SETD2: variants seen among roughly 807,000 people sequenced by gnomAD.
SETD2 encodes the protein SET domain containing 2, histone lysine methyltransferase.
SETD2 carries 31 observed loss-of-function variants against 242.1 expected under a neutral mutation model. The observed-to-expected ratio is 0.13, with a 90% CI of 0.10 to 0.17. The LOEUF (loss-of-function observed/expected upper bound fraction) is 0.17. Among genes scored for constraint, SETD2 ranks in the 10% least tolerant of loss-of-function variants. SETD2 has a pLI of 1.00. For synonymous variants in SETD2, 1,006 were observed against 1,066.5 expected (o/e 0.94, Z 1.11); for missense variants, 2,481 against 3,046.3 (o/e 0.81, Z 4.37).
intron 1 of SETD2, among the ~76,000 whole-genome samples, chr3:47,162,254 A>G (rs1478558084): frequency 2.0e-5 from 3 of 152,214 alleles, no homozygotes; most frequent in African/African-American, 7.2e-5. Flanking sequence ...AGCAAGTGCT[A>G]TATAAGCATT....
chr3:47,108,396 A>G (rs919567797), intron 5 of SETD2, among the ~76,000 whole-genome samples: 3 of 152,216 alleles, frequency 2.0e-5, no homozygotes, highest in African/African-American at 7.2e-5. Context: ...TCTGGCATCG[A>G]TATTATGCCC....
chr3:47,126,572 A>G, intron 2 of SETD2, 76 bp downstream of exon 2: 1 of 732,406 alleles, frequency 1.4e-6, no homozygotes, highest in Non-Finnish European at 2.2e-6. Context: ...GAGTGTTTTC[A>G]GCTTTTACCC....
chr3:47,161,990 T>C (rs1697501022), intron 1 of SETD2, among the ~76,000 whole-genome samples: 1 of 152,008 alleles, frequency 6.6e-6, no homozygotes, highest in African/African-American at 2.4e-5. Flanking sequence ...AGTGGATTTC[T>C]ACTACATTAA....
chr3:47,029,929 G>A (rs977918806), intron 18 of SETD2, among the ~76,000 whole-genome samples: 5 of 152,144 alleles, frequency 3.3e-5, no homozygotes, highest in African/African-American at 1.2e-4. Flanking sequence ...GCCCAGATGG[G>A]CAGATCACTT....
intron 12 of SETD2, among the ~76,000 whole-genome samples, chr3:47,082,660 G>A (rs2041366008): frequency 6.6e-6 from 1 of 152,230 alleles, no homozygotes; most frequent in African/African-American, 2.4e-5. Context: ...AGTGATGAAA[G>A]TAACATGAGT....
chr3:47,084,518 G>A (rs1559702391), intron 11 of SETD2, 136 bp from the exon 12 acceptor site: 1 of 616,500 alleles, frequency 1.6e-6, no homozygotes, highest in Non-Finnish European at 2.8e-6. Flanking sequence ...TCTGCCTCCT[G>A]GGTTCAAGCA....
At chr3:47,109,855 G>A (rs1418129484) in intron 5 of SETD2, among the ~76,000 whole-genome samples, 1 of 151,672 alleles carries the variant, frequency 6.6e-6, no homozygotes, top group African/African-American at 2.4e-5. Flanking sequence ...GCATGGTGGC[G>A]CACACCTGTA....
At chr3:47,151,495 T>C (rs1203046337) in intron 1 of SETD2, among the ~76,000 whole-genome samples, 1 of 152,114 alleles carries the variant, frequency 6.6e-6, no homozygotes, top group Non-Finnish European at 1.5e-5. Flanking sequence ...AGATTCTAAC[T>C]CCTGCTCCCA....
In SETD2 at chr3:47,164,035, C is replaced by T; in HGVS notation, c.-111G>A. 8.2e-7 allele frequency: 1 copy of T among 1,216,222 alleles called. No individual in the cohort carries two copies. The highest frequency in any genetic ancestry group is 1.0e-6 in the Non-Finnish European group (1 of 972,314). 75.3% of individuals were successfully genotyped at this position (1,216,222 alleles called of 1,614,324 possible). The stretch of plus-strand genomic sequence containing the variant: ...ACCGCGGCGGCGGCGGCGGCGGCGG[C>T]GGCGGCGGCAGGGGCGGCCCGCGTC... On this transcript the variant is annotated 5_prime_UTR_variant, in exon 1 of 21. Transcript: ENST00000409792. This position sits in a 1 kb window ranked among gnomAD's most constrained non-coding sequence, Gnocchi z 5.4.
chr3:47,077,484 TACAGAA>T (rs2041138341), intron 12 of SETD2, among the ~76,000 whole-genome samples: 1 of 152,182 alleles, frequency 6.6e-6, no homozygotes, highest in Non-Finnish European at 1.5e-5. Flanking sequence ...AACTGAGAGT[TACAGAA>T]GGAATCTCAA....
At chr3:47,038,168 C>A (rs2039108769) in intron 17 of SETD2, among the ~76,000 whole-genome samples, 1 of 152,194 alleles carries the variant, frequency 6.6e-6, no homozygotes, top group Non-Finnish European at 1.5e-5. Context: ...AGTGACTGTA[C>A]CTAGCATATA....
rs2106868617 is a variant in SETD2, at chr3:47,163,903, G to A, written c.22C>T (p.Pro8Ser). ...TAGAAATCCCCCATCTTCGGAGGCG[G>A]CTGCGGCTGCAGCTGCTTCATCGGG... MKQLQPQ[P>S]PPKMGDFYDP... is the part of the protein sequence containing the mutation. Residue 8 changes from proline (P) to serine (S), a missense_variant, in exon 1 of 21, where the codon CCG becomes TCG. By Grantham distance (74) the Pro-to-Ser change is moderately conservative. This residue lies in a region of SETD2 where 334 missense variants were observed against 374.5 expected (regional missense o/e 0.89). Transcript: ENST00000409792. 11 of 1,314,714 alleles carry A rather than the reference G, an allele frequency of 8.4e-6. No individual in the cohort carries two copies. The highest frequency in any genetic ancestry group is 1.5e-5 in the African/African-American group (1 of 66,158). 81.4% of individuals were successfully genotyped at this position (1,314,714 alleles called of 1,614,324 possible). A position where few individuals can be genotyped will look rare whatever the true frequency, so the allele number is the denominator to read the frequency against.
intron 1 of SETD2, among the ~76,000 whole-genome samples, chr3:47,132,146 T>A (rs2043493474): frequency 6.6e-6 from 1 of 151,354 alleles, no homozygotes; most frequent in African/African-American, 2.4e-5. Flanking sequence ...TTTTTTTTTT[T>A]TTTTGAGACA....
At chr3:47,118,664 C>CAAA (rs78178618) in intron 3 of SETD2, among the ~76,000 whole-genome samples, 1 of 85,544 alleles carries the variant, frequency 1.2e-5, no homozygotes. Context: ...GACTCTGTCT[C>CAAA]AAAAAAAAAA....
intron 3 of SETD2, chr3:47,119,851 G>T: frequency 6.3e-6 from 3 of 473,676 alleles, no homozygotes; most frequent in Non-Finnish European, 8.4e-6. Flanking sequence ...ATTTTGCTGG[G>T]GTTTTATTCT....
intron 18 of SETD2, among the ~76,000 whole-genome samples, chr3:47,034,445 G>C (rs1261695555): frequency 6.6e-6 from 1 of 152,122 alleles, no homozygotes; most frequent in African/African-American, 2.4e-5. Flanking sequence ...TCCTTCCTAG[G>C]ATAGACTATA....
In SETD2 at chr3:47,077,785, C is replaced by A. The variant is rs189368787; in HGVS notation, c.6060+5935G>T. ...GGGACAGTACAAGATGAGCCTGGAACAGCATATTGTAGCAAAAAGGTAAAA... is the reference window on the plus strand; with the variant it reads ...GGGACAGTACAAGATGAGCCTGGAAAAGCATATTGTAGCAAAAAGGTAAAA... On this transcript the variant is annotated intron_variant, in intron 12 of 20. Transcript: ENST00000409792. Among the ~76,000 whole-genome samples, 189 of 152,196 alleles carry A rather than the reference C, an allele frequency of 1.2e-3. 1 individual carries two copies. The highest frequency in any genetic ancestry group is 4.4e-3 in the African/African-American group (182 of 41,520).
chr3:47,147,376 G>A (rs1036723431), intron 1 of SETD2, among the ~76,000 whole-genome samples: 4 of 145,722 alleles, frequency 2.7e-5, no homozygotes, highest in African/African-American at 1.0e-4. Context: ...AGGATGGAGT[G>A]CAGTGACGTG....
chr3:47,068,193 G>A (rs1461715609), intron 12 of SETD2, among the ~76,000 whole-genome samples: 1 of 152,124 alleles, frequency 6.6e-6, no homozygotes, highest in Non-Finnish European at 1.5e-5. Flanking sequence ...CCCTTCAGAG[G>A]AATCTCATAA....
Sources: gnomAD v4.1 joint callset for allele counts (sites outside exome capture counted in the v4.1 genomes callset) on GRCh38, gnomAD v4.1.1 for gene constraint, gnomAD v4.1.1 regional missense constraint, Gnocchi (gnomAD v3.1) non-coding constraint, MANE v1.5 for transcripts, NCBI Gene and HGNC (gene_info 2026-07-23, HGNC 2026-07-21) for gene names.